KHDRBS2: variants seen among roughly 807,000 people sequenced by gnomAD.
KHDRBS2 encodes KH RNA binding domain containing, signal transduction associated 2.
In KHDRBS2, 26 loss-of-function variants were observed where a neutral mutation model predicts 44.3. The observed-to-expected ratio is 0.59, with a 90% CI of 0.43 to 0.81. The LOEUF (loss-of-function observed/expected upper bound fraction) is 0.81, where lower values mean the gene tolerates loss of function less well. Ranked by LOEUF, KHDRBS2 falls within the 40% of genes least tolerant of loss-of-function variation. The probability of loss-of-function intolerance (pLI) is 0.00; values close to 1 mark genes in which losing one functional copy is unlikely to be tolerated. For synonymous variants in KHDRBS2, 194 were observed against 151.1 expected (o/e 1.28, Z -2.08); for missense variants, 476 against 433.1 (o/e 1.10, Z -0.88).
intron 6 of KHDRBS2, among the ~76,000 whole-genome samples, chr6:61,862,240 C>T (rs1797091304): frequency 6.6e-6 from 1 of 151,814 alleles, no homozygotes; most frequent in Non-Finnish European, 1.5e-5. Context: ...GATCGACTTC[C>T]TCTAATCTTA....
the KHDRBS2 span, among the ~76,000 whole-genome samples, chr6:61,607,384 A>G: frequency 6.6e-6 from 1 of 151,386 alleles, no homozygotes; most frequent in African/African-American, 2.4e-5. Flanking sequence ...ATAATTAAAT[A>G]TAAACATCAA....
chr6:61,935,622 CCT>C (rs141668265), intron 4 of KHDRBS2, among the ~76,000 whole-genome samples: 11 of 152,214 alleles, frequency 7.2e-5, no homozygotes, highest in Non-Finnish European at 1.6e-4. Context: ...AACAAATTCC[CCT>C]GAGTGACATT....
chr6:62,188,976 G>T (rs781029562), intron 1 of KHDRBS2, among the ~76,000 whole-genome samples: 3 of 152,026 alleles, frequency 2.0e-5, no homozygotes, highest in Non-Finnish European at 4.4e-5. Context: ...TTAGCCACGT[G>T]TGGTGGCATG....
the KHDRBS2 span, among the ~76,000 whole-genome samples, chr6:61,607,236 C>A: frequency 6.6e-6 from 1 of 151,676 alleles, no homozygotes; most frequent in African/African-American, 2.4e-5. Context: ...AAGACCATAT[C>A]TGTGAGCTGA....
chr6:61,588,903 A>G, the KHDRBS2 span, among the ~76,000 whole-genome samples: 1 of 152,216 alleles, frequency 6.6e-6, no homozygotes, highest in East Asian at 1.9e-4. Flanking sequence ...TAATGAGTTC[A>G]TGTCCTTCAC....
intron 6 of KHDRBS2, among the ~76,000 whole-genome samples, chr6:61,795,923 G>A (rs1228069111): frequency 3.3e-5 from 5 of 151,990 alleles, no homozygotes; most frequent in African/African-American, 9.7e-5. Flanking sequence ...TTAAAAAAAA[G>A]TGAAGAAAAA....
At chr6:61,590,337 T>C in the KHDRBS2 span, among the ~76,000 whole-genome samples, 1 of 152,198 alleles carries the variant, frequency 6.6e-6, no homozygotes, top group Non-Finnish European at 1.5e-5. Context: ...ATGTCTTGGG[T>C]ATTGTCTCTT....
intron 4 of KHDRBS2, among the ~76,000 whole-genome samples, chr6:61,917,722 G>T (rs2127356640): frequency 6.6e-6 from 1 of 152,016 alleles, no homozygotes; most frequent in Admixed American, 6.6e-5. Flanking sequence ...TGGTAGGGAA[G>T]ACTGAGGGAA....
In KHDRBS2 at chr6:62,135,520, T is replaced by G. The variant is rs1811326698; in HGVS notation, c.219+41665A>C. On this transcript the variant is annotated intron_variant, in intron 2 of 8. Transcript: ENST00000281156. ...AGCTACTGTATGACCCACGTATACC[T>G]CTTCTGTGTACAGACCCAAGGGAAT... Among the ~76,000 whole-genome samples, 4 of 152,176 alleles carry G rather than the reference T, an allele frequency of 2.6e-5. No individual in the cohort carries two copies. The South Asian group carries it at 8.3e-4, about 31-fold the overall frequency.
At chr6:62,116,176 C>T (rs1332152337) in intron 2 of KHDRBS2, among the ~76,000 whole-genome samples, 1 of 152,022 alleles carries the variant, frequency 6.6e-6, no homozygotes, top group African/African-American at 2.4e-5. Flanking sequence ...ATCCATTACC[C>T]CAAATATGTA....
chr6:61,760,597 A>C (rs1779129551), intron 6 of KHDRBS2, among the ~76,000 whole-genome samples: 1 of 151,742 alleles, frequency 6.6e-6, no homozygotes, highest in Non-Finnish European at 1.5e-5. Flanking sequence ...ATGACAATGC[A>C]CTCCAGCCTG....
chr6:61,545,183 T>C, the KHDRBS2 span, among the ~76,000 whole-genome samples: 6 of 151,988 alleles, frequency 3.9e-5, no homozygotes, highest in Admixed American at 6.6e-5. Flanking sequence ...TGGTGGTTCA[T>C]GCCTGTAATC....
intron 4 of KHDRBS2, among the ~76,000 whole-genome samples, chr6:61,915,056 T>G (rs1806749515): frequency 6.6e-6 from 1 of 152,072 alleles, no homozygotes. Context: ...AAGCATTATG[T>G]CAGGAGTGGA....
intron 6 of KHDRBS2, among the ~76,000 whole-genome samples, chr6:61,835,703 A>ATGTGTGCGTG (rs1554229858): frequency 2.7e-5 from 3 of 111,618 alleles, no homozygotes; most frequent in African/African-American, 7.6e-5. Flanking sequence ...GCTAATGTTG[A>ATGTGTGCGTG]TGTGTGCGTG....
At chr6:61,663,158 C>A in the KHDRBS2 span, among the ~76,000 whole-genome samples, 2 of 147,764 alleles carry the variant, frequency 1.4e-5, no homozygotes, top group East Asian at 4.2e-4. Context: ...GGACAAAAAA[C>A]CAAACGCCGC....
chr6:61,706,434 G>A (rs1445853710), intron 7 of KHDRBS2, among the ~76,000 whole-genome samples: 1 of 151,762 alleles, frequency 6.6e-6, no homozygotes. Context: ...AAGTGATAAG[G>A]AAAAGATGCT....
chr6:62,259,572 C>T (rs1160500845), intron 1 of KHDRBS2, among the ~76,000 whole-genome samples: 1 of 151,676 alleles, frequency 6.6e-6, no homozygotes, highest in Admixed American at 6.6e-5. Context: ...TTAATATAGT[C>T]AGGAAAATAG....
intron 4 of KHDRBS2, among the ~76,000 whole-genome samples, chr6:61,974,048 C>T (rs1771978330): frequency 6.6e-6 from 1 of 152,162 alleles, no homozygotes; most frequent in East Asian, 1.9e-4. Flanking sequence ...TCATGCAACA[C>T]TTCATAATTT....
At chr6:62,150,931 T>C (rs1419965208) in intron 2 of KHDRBS2, among the ~76,000 whole-genome samples, 1 of 152,204 alleles carries the variant, frequency 6.6e-6, no homozygotes, top group Non-Finnish European at 1.5e-5. Context: ...TTATTTATAA[T>C]TCATGTTTGA....
Sources: gnomAD v4.1 joint callset for allele counts (sites outside exome capture counted in the v4.1 genomes callset) on GRCh38, gnomAD v4.1.1 for gene constraint, MANE v1.5 for transcripts, NCBI Gene and HGNC (gene_info 2026-07-23, HGNC 2026-07-21) for gene names.